Variants in NBAS observed in about 807,000 individuals in gnomAD.
NBAS encodes the protein NBAS subunit of NRZ tethering complex.
In NBAS, 219 loss-of-function variants were observed where a neutral mutation model predicts 302.5. The ratio of observed to expected loss-of-function variants is 0.72; its 90% CI spans 0.65 to 0.81. The LOEUF (loss-of-function observed/expected upper bound fraction) is 0.81. Ranked by LOEUF, NBAS falls within the 30% of genes least tolerant of loss-of-function variation. The pLI is 0.00. For synonymous variants in NBAS, 1,118 were observed against 1,021.6 expected (o/e 1.09, Z -1.80); for missense variants, 2,932 against 2,841.6 (o/e 1.03, Z -0.72).
chr2:14,781,358 C>T, the NBAS span, among the ~76,000 whole-genome samples: 9 of 152,118 alleles, frequency 5.9e-5, no homozygotes, highest in African/African-American at 2.2e-4. Flanking sequence ...AAAGTGACTA[C>T]TCTGTTTTCA....
chr2:15,487,262 C>T (rs186091713), intron 12 of NBAS, among the ~76,000 whole-genome samples: 1 of 152,110 alleles, frequency 6.6e-6, no homozygotes, highest in East Asian at 1.9e-4. Flanking sequence ...ATGAAAAACA[C>T]GAAGTATCTT....
the NBAS span, among the ~76,000 whole-genome samples, chr2:15,019,404 C>T: frequency 3.3e-5 from 5 of 152,060 alleles, no homozygotes; most frequent in Admixed American, 6.5e-5. Flanking sequence ...AGTCAAAGAA[C>T]TTTTTAATAT....
chr2:15,279,143 G>C (rs532676541), intron 42 of NBAS, among the ~76,000 whole-genome samples: 27 of 152,204 alleles, frequency 1.8e-4, no homozygotes, highest in Middle Eastern at 6.8e-3. Context: ...GCAATAAAAG[G>C]AATCTTATTG....
At chr2:15,244,544 C>T (rs948564185) in intron 44 of NBAS, among the ~76,000 whole-genome samples, 20 of 152,176 alleles carry the variant, frequency 1.3e-4, no homozygotes, top group African/African-American at 3.6e-4. Context: ...CTTATTGTCT[C>T]CCTTTCCAAG....
chr2:15,246,876 G>A (rs1164662006), intron 44 of NBAS, among the ~76,000 whole-genome samples: 1 of 152,170 alleles, frequency 6.6e-6, no homozygotes, highest in Non-Finnish European at 1.5e-5. Flanking sequence ...AATACGGAGA[G>A]ATAAAAGACA....
intron 38 of NBAS, among the ~76,000 whole-genome samples, chr2:15,319,710 T>TTTA (rs139764145): frequency 0.023 from 3,479 of 152,236 alleles, 89 homozygotes; most frequent in African/African-American, 0.057. Context: ...AAGTTGACTC[T>TTTA]TTGAATAGAC....
chr2:15,127,945 T>C, the NBAS span, among the ~76,000 whole-genome samples: 1 of 152,208 alleles, frequency 6.6e-6, no homozygotes, highest in Admixed American at 6.5e-5. Context: ...ACACTTTATA[T>C]ACACCTTTCC....
chr2:15,189,114 A>C (rs1339332705), intron 49 of NBAS, among the ~76,000 whole-genome samples: 1 of 152,214 alleles, frequency 6.6e-6, no homozygotes, highest in Non-Finnish European at 1.5e-5. Context: ...TGCACTGTGA[A>C]CTAAAGGTGT....
chr2:15,245,640 T>TGGAC (rs1553351383), intron 44 of NBAS, among the ~76,000 whole-genome samples: 4 of 150,444 alleles, frequency 2.7e-5, no homozygotes, highest in Non-Finnish European at 5.9e-5. Flanking sequence ...GATGGATGGA[T>TGGAC]GGATGGACGG....
the NBAS span, among the ~76,000 whole-genome samples, chr2:15,116,052 C>A: frequency 6.6e-6 from 1 of 152,134 alleles, no homozygotes; most frequent in African/African-American, 2.4e-5. Context: ...CAACCAGAGG[C>A]TGGGAGGATA....
chr2:15,009,159 G>A, the NBAS span, among the ~76,000 whole-genome samples: 9 of 152,044 alleles, frequency 5.9e-5, no homozygotes, highest in African/African-American at 1.7e-4. Context: ...TAAAAACATC[G>A]CCCCTTGTTT....
At chr2:15,098,627 GTATAT>G in the NBAS span, among the ~76,000 whole-genome samples, 6 of 94,740 alleles carry the variant, frequency 6.3e-5, no homozygotes, top group East Asian at 9.3e-4. Context: ...ATTATATATT[GTATAT>G]TATATATTAT....
the NBAS span, among the ~76,000 whole-genome samples, chr2:14,932,371 TGG>T: frequency 1.3e-5 from 2 of 152,244 alleles, no homozygotes; most frequent in South Asian, 4.1e-4. Context: ...CCTACTGTTT[TGG>T]GGCTCCAAAG....
chr2:15,476,179 G>A (rs1049081283), intron 13 of NBAS, among the ~76,000 whole-genome samples: 1 of 152,124 alleles, frequency 6.6e-6, no homozygotes, highest in African/African-American at 2.4e-5. Context: ...ACACTCAGGA[G>A]AGAGATGTGT....
chr2:15,157,206 C>T, the NBAS span, among the ~76,000 whole-genome samples: 15 of 152,124 alleles, frequency 9.9e-5, no homozygotes, highest in Admixed American at 2.6e-4. Context: ...TGCTCACCTC[C>T]GTGTTCCCCA....
At chr2:15,157,635 A>G in the NBAS span, among the ~76,000 whole-genome samples, 9 of 152,318 alleles carry the variant, frequency 5.9e-5, no homozygotes, top group South Asian at 1.0e-3. Context: ...TCCATATTTC[A>G]TCACAAGCTA....
chr2:14,988,185 A>G, the NBAS span, among the ~76,000 whole-genome samples: 2 of 152,224 alleles, frequency 1.3e-5, no homozygotes, highest in African/African-American at 2.4e-5. Context: ...ACTCTACCCC[A>G]AATATTTTAC....
At chr2:14,859,149 G>A in the NBAS span, among the ~76,000 whole-genome samples, 1 of 151,836 alleles carries the variant, frequency 6.6e-6, no homozygotes, top group African/African-American at 2.4e-5. Context: ...ATTTATATAA[G>A]AAAAATTATA....
chr2:15,453,753 G>A (rs1453832374), intron 21 of NBAS, among the ~76,000 whole-genome samples: 3 of 151,938 alleles, frequency 2.0e-5, no homozygotes, highest in Non-Finnish European at 4.4e-5. Context: ...CAAATTGCCA[G>A]GATACTATAG....
Sources: allele counts gnomAD v4.1 joint callset (sites outside exome capture counted in the v4.1 genomes callset), GRCh38; gene constraint gnomAD v4.1.1; transcripts MANE v1.5; gene names NCBI Gene and HGNC (gene_info 2026-07-23, HGNC 2026-07-21).